Variants in THOC1 observed in about 807,000 individuals in gnomAD.
The protein encoded by THOC1 is THO complex 1.
In THOC1, 29 loss-of-function variants were observed where a neutral mutation model predicts 97.3. The ratio of observed to expected loss-of-function variants is 0.30; its 90% CI spans 0.22 to 0.41. THOC1 has a LOEUF of 0.41. Among genes scored for constraint, THOC1 ranks in the 10% least tolerant of loss-of-function variants. THOC1 has a pLI of 1.00. For synonymous variants in THOC1, 255 were observed against 257.0 expected (o/e 0.99, Z 0.07); for missense variants, 529 against 761.9 (o/e 0.69, Z 3.60).
At position 246,265 on chromosome 18, in the gene THOC1, A is replaced by T. The variant is rs558933894; in HGVS notation, c.918+59T>A. The stretch of plus-strand genomic sequence containing the variant: ...GTTTAACTTAGAAAGGCTGTCAGCT[A>T]AACGGAAATAAAACAAGACCATTTC... On this transcript the variant is annotated intron_variant, in intron 11 of 20. Coordinates refer to ENST00000261600, the MANE Select transcript of THOC1 (RefSeq NM_005131.3). 2.9e-5 allele frequency: 37 copies of T among 1,294,888 alleles called. No individual in the cohort carries two copies. In the East Asian group the frequency reaches 8.3e-4, roughly 29 times the overall value. The allele number at this position is 1,294,888 out of a possible 1,614,324, so 80.2% of individuals were successfully genotyped here. A position where few individuals can be genotyped will look rare whatever the true frequency, so the allele number is the denominator to read the frequency against.
chr18:254,755 G>A lies in THOC1; in HGVS notation c.521-400C>T, dbSNP rs1025974372. 6.6e-6 allele frequency among the ~76,000 whole-genome samples: 1 copy of A among 151,222 alleles called. No individual in the cohort carries two copies. Among genetic ancestry groups the A allele is most frequent in the Non-Finnish European group, 1.5e-5 (1 of 67,876 alleles). The stretch of plus-strand genomic sequence containing the variant: ...GATCTTTGAGGTTAACATTGTCATT[G>A]TTTTGCCACAGATTTGTTTTTGCCA... On this transcript the variant is annotated intron_variant, in intron 7 of 20. Coordinates refer to ENST00000261600, the MANE Select transcript of THOC1 (RefSeq NM_005131.3). This position sits in a 1 kb window ranked among gnomAD's most constrained non-coding sequence, Gnocchi z 4.1.
Position 216,710 on chromosome 18 carries a change from T to C in THOC1, c.1455-77A>G. 4 of 1,467,820 alleles carry C rather than the reference T, an allele frequency of 2.7e-6. No homozygotes were observed. The South Asian group carries it at 6.1e-5, about 22-fold the overall frequency. 90.9% of individuals were successfully genotyped at this position (1,467,820 alleles called of 1,614,324 possible). A position where few individuals can be genotyped will look rare whatever the true frequency, so the allele number is the denominator to read the frequency against. On this transcript the variant is annotated intron_variant, in intron 18 of 20. Transcript: ENST00000261600. ...CCCTTCTGCTCAGTTCTGCCATGTG[T>C]AATTCTGTATTTAAGGTAAATAGCT...
chr18:257,044 T>G (rs531454544), intron 7 of THOC1, among the ~76,000 whole-genome samples: 1 of 152,350 alleles, frequency 6.6e-6, no homozygotes, highest in South Asian at 2.1e-4. Context: ...TATGTACATT[T>G]TTTTAGATGC....
chr18:224,908 TTCAG>T lies in THOC1; in HGVS notation c.1208+12_1208+15del, dbSNP rs753072118. ...GTGATGAGTATGTATTTACCTTTCTTTCAGTATGTATTTACCTTTCTTTCACAAA... is the reference window on the plus strand; with the variant it reads ...GTGATGAGTATGTATTTACCTTTCTTTATGTATTTACCTTTCTTTCACAAA... On this transcript the variant is annotated intron_variant, in intron 15 of 20. Coordinates refer to ENST00000261600, the MANE Select transcript of THOC1 (RefSeq NM_005131.3). 4.5e-6 allele frequency: 7 copies of T among 1,557,212 alleles called. No individual in the cohort carries two copies. The highest frequency in any genetic ancestry group is 1.7e-4 in the Middle Eastern group (1 of 5,916).
intron 4 of THOC1, among the ~76,000 whole-genome samples, chr18:261,316 A>T (rs954881594): frequency 4.6e-5 from 7 of 152,220 alleles, no homozygotes; most frequent in African/African-American, 1.7e-4. Flanking sequence ...GGCATGGTAT[A>T]TGGAGGAAAA....
rs1910820244 is a variant in THOC1, at chr18:214,994, T to C, written c.1679-73A>G. 4 of 1,352,774 alleles carry C rather than the reference T, an allele frequency of 3.0e-6. No individual in the cohort carries two copies. The South Asian group carries it at 4.1e-5, about 14-fold the overall frequency. 83.8% of individuals were successfully genotyped at this position (1,352,774 alleles called of 1,614,324 possible). ...CAGAAATGGAAAGCTATGGGGCCAA[T>C]AAGTTTTATTAACCACCTTTAGTAG... is the stretch of plus-strand genomic sequence containing the variant. On this transcript the variant is annotated intron_variant, in intron 20 of 20. Transcript: ENST00000261600.
intron 12 of THOC1, 44 bp from the exon 13 acceptor site, chr18:225,447 C>T (rs761763918): frequency 6.5e-7 from 1 of 1,532,844 alleles, no homozygotes; most frequent in Non-Finnish European, 9.0e-7. Flanking sequence ...TACAGCAATG[C>T]ATATGCAACT....
rs1330590537 is a variant in THOC1 at position 214,864 on chromosome 18, T to C, written c.1736A>G (p.Asn579Ser). Reference protein sequence around the residue: ...VTGEQIEVFANKLGEQWKILA... With the variant: ...VTGEQIEVFASKLGEQWKILA... ...AATCTTCCATTGTTCACCCAGCTTG[T>C]TGGCAAATACCTCTATTTGTTCTCC... Residue 579 changes from asparagine to serine, a missense_variant, in exon 21 of 21, where the codon AAC (asparagine) becomes AGC (serine). Asn to Ser is a conservative substitution (Grantham distance 46). This residue lies in a region of THOC1 where 98 missense variants were observed against 111.9 expected (regional missense o/e 0.88). Coordinates refer to ENST00000261600, the MANE Select transcript of THOC1 (RefSeq NM_005131.3). The C allele has an allele frequency of 6.2e-7, 1 of 1,613,960 alleles. No individual in the cohort carries two copies. The highest frequency in any genetic ancestry group is 8.5e-7 in the Non-Finnish European group (1 of 1,179,870).
intron 18 of THOC1, among the ~76,000 whole-genome samples, chr18:217,732 G>A (rs1458235041): frequency 6.6e-6 from 1 of 152,128 alleles, no homozygotes; most frequent in Non-Finnish European, 1.5e-5. Context: ...ATGCAAAAGA[G>A]GAGACCAGGG....
Position 245,087 on chromosome 18 carries a change from G to C in THOC1, c.918+1237C>G, listed in dbSNP as rs375118943. On this transcript the variant is annotated intron_variant, in intron 11 of 20. Transcript: ENST00000261600. ...CATGATTTCTTGTTCCTTTTCAATG[G>C]ATGTTATCTCATCGATTATCTTTTT... 5.9e-5 allele frequency: 9 copies of C among 152,126 alleles called. No individual in the cohort carries two copies. The East Asian group carries it at 1.5e-3, about 26-fold the overall frequency. 9.4% of individuals were successfully genotyped at this position (152,126 alleles called of 1,614,324 possible).
chr18:252,618 T>C lies in THOC1; in HGVS notation c.604-6A>G. 6.3e-7 allele frequency: 1 copy of C among 1,599,068 alleles called. No homozygotes were observed. Among genetic ancestry groups the C allele is most frequent in the Non-Finnish European group, 8.5e-7 (1 of 1,174,232 alleles). ...TCTTCTCTATCTTCAGTGTGCTAAA[T>C]TGAAAAAAAAATGTATAGCCTGTCA... On this transcript the variant is annotated splice_region_variant and splice_polypyrimidine_tract_variant and intron_variant, in intron 8 of 20. Transcript: ENST00000261600.
intron 7 of THOC1, among the ~76,000 whole-genome samples, chr18:256,555 T>C (rs1228233650): frequency 6.6e-6 from 1 of 152,250 alleles, no homozygotes; most frequent in African/African-American, 2.4e-5. Context: ...AGATGAATTC[T>C]ACTCCTGGTG....
In THOC1 at chr18:264,557, CACA is replaced by C. The variant is rs566245373; in HGVS notation, c.190-468_190-466del. 7.4e-3 allele frequency among the ~76,000 whole-genome samples: 1,128 copies of C among 152,286 alleles called. 5 individuals carry two copies. The highest frequency in any genetic ancestry group is 9.8e-3 in the Non-Finnish European group (670 of 68,024). On this transcript the variant is annotated intron_variant, in intron 3 of 20. Coordinates refer to ENST00000261600, the MANE Select transcript of THOC1 (RefSeq NM_005131.3). ...AGTGTTCATTAAGTGCTGTTTTACA[CACA>C]ACAACACTGAAAGAACGGTATTTCC...
intron 10 of THOC1, among the ~76,000 whole-genome samples, 174 bp from the exon 11 acceptor site, chr18:246,629 G>C (rs1370573631): frequency 2.0e-5 from 3 of 152,070 alleles, no homozygotes; most frequent in Non-Finnish European, 4.4e-5. Context: ...AAACTATTTT[G>C]TATGATATTT....
At chr18:234,952 A>G (rs1479338855) in intron 11 of THOC1, among the ~76,000 whole-genome samples, 5 of 152,020 alleles carry the variant, frequency 3.3e-5, no homozygotes, top group Non-Finnish European at 7.4e-5. Flanking sequence ...GAAAATTTTC[A>G]TTTATGGTAG....
intron 17 of THOC1, 132 bp downstream of exon 17, chr18:223,308 C>T (rs1398534306): frequency 1.9e-5 from 12 of 617,074 alleles, no homozygotes; most frequent in South Asian, 9.9e-5. Context: ...GGAAGTTACA[C>T]GCTGCTGTGC....
At chr18:224,373 G>GT (rs1415415957) in intron 15 of THOC1, among the ~76,000 whole-genome samples, 194 bp from the exon 16 acceptor site, 1 of 152,174 alleles carries the variant, frequency 6.6e-6, no homozygotes, top group African/African-American at 2.4e-5. Context: ...GAGGTCAGGA[G>GT]TTTGAGACCA....
intron 11 of THOC1, among the ~76,000 whole-genome samples, chr18:238,556 A>G (rs2143221443): frequency 6.6e-6 from 1 of 152,350 alleles, no homozygotes; most frequent in Non-Finnish European, 1.5e-5. Context: ...CCTGTAGAGC[A>G]TGTTACTGCA....
Position 252,609 on chromosome 18 carries a change from T to A in THOC1, c.607A>T (p.Thr203Ser). Residue 203 changes from threonine to serine, a missense_variant, in exon 9 of 21, where the codon ACT (threonine) becomes TCT (serine). Coordinates refer to ENST00000261600, the MANE Select transcript of THOC1 (RefSeq NM_005131.3). ...TCCATTCCTTCTTCTCTATCTTCAG[T>A]GTGCTAAATTGAAAAAAAAATGTAT... ...EQESTLGQKH[T>S]EDREEGMDVE... The A allele has an allele frequency of 6.2e-7, 1 of 1,605,252 alleles. No homozygotes were observed. The highest frequency in any genetic ancestry group is 8.5e-7 in the Non-Finnish European group (1 of 1,177,064).
Sources: allele counts gnomAD v4.1 joint callset (sites outside exome capture counted in the v4.1 genomes callset), GRCh38; gene constraint gnomAD v4.1.1; regional missense constraint gnomAD v4.1.1; non-coding constraint Gnocchi (gnomAD v3.1); transcripts MANE v1.5; gene names NCBI Gene and HGNC (gene_info 2026-07-23, HGNC 2026-07-21).